The following ESR1 variants were observed in gnomAD, a reference collection of about 807,000 sequenced individuals.
ESR1 encodes the protein estrogen receptor.
In ESR1, 12 loss-of-function variants were observed where a neutral mutation model predicts 52.7. The ratio of observed to expected loss-of-function variants is 0.23; its 90% confidence interval spans 0.15 to 0.37. ESR1 has a LOEUF of 0.37. Among genes scored for constraint, ESR1 ranks in the 10% least tolerant of loss-of-function variants. The pLI is 1.00. For synonymous variants in ESR1, 305 were observed against 316.8 expected (o/e 0.96, Z 0.39); for missense variants, 584 against 779.7 (o/e 0.75, Z 2.99).
intron 2 of ESR1, among the ~76,000 whole-genome samples, chr6:151,725,552 C>T (rs939148360): frequency 1.3e-5 from 2 of 152,128 alleles, no homozygotes; most frequent in Non-Finnish European, 2.9e-5. Context: ...TGTTTGTCAT[C>T]CTGTTCTAAT....
chr6:151,754,938 G>A (rs1784167138), intron 2 of ESR1, among the ~76,000 whole-genome samples: 1 of 152,164 alleles, frequency 6.6e-6, no homozygotes, highest in Non-Finnish European at 1.5e-5. Context: ...TGGGCTGGGG[G>A]TGGTGGCTCA....
At chr6:151,659,307 C>T (rs1777559078) in intron 1 of ESR1, among the ~76,000 whole-genome samples, 1 of 152,174 alleles carries the variant, frequency 6.6e-6, no homozygotes, top group Non-Finnish European at 1.5e-5. Context: ...GCCACTGTGC[C>T]CGGCCTGCTA....
intron 6 of ESR1, among the ~76,000 whole-genome samples, chr6:152,091,238 C>A (rs1311496943): frequency 6.6e-6 from 1 of 152,220 alleles, no homozygotes; most frequent in East Asian, 1.9e-4. Context: ...CAACAGGCAG[C>A]ACACATGGAC....
intron 2 of ESR1, among the ~76,000 whole-genome samples, chr6:151,702,629 T>C (rs1030298936): frequency 6.6e-6 from 1 of 152,162 alleles, no homozygotes; most frequent in Non-Finnish European, 1.5e-5. Flanking sequence ...ATTTAATTAT[T>C]CAAAACAACA....
At chr6:151,765,643 T>C (rs1784993665) in intron 2 of ESR1, among the ~76,000 whole-genome samples, 1 of 152,224 alleles carries the variant, frequency 6.6e-6, no homozygotes, top group African/African-American at 2.4e-5. Flanking sequence ...CAGCACTTTC[T>C]TCCTAAAACT....
intron 4 of ESR1, among the ~76,000 whole-genome samples, chr6:151,981,757 A>T (rs973717204): frequency 6.6e-6 from 1 of 152,246 alleles, no homozygotes; most frequent in African/African-American, 2.4e-5. Context: ...AGAAATTCAA[A>T]TGTATGCAAT....
intron 1 of ESR1, among the ~76,000 whole-genome samples, chr6:151,670,238 A>C (rs1778003432): frequency 6.6e-6 from 1 of 152,150 alleles, no homozygotes; most frequent in Non-Finnish European, 1.5e-5. Flanking sequence ...ACTTGGCTGA[A>C]TCTGTTGTCT....
At chr6:152,003,476 A>AT (rs780042983) in intron 4 of ESR1, among the ~76,000 whole-genome samples, 1 of 151,952 alleles carries the variant, frequency 6.6e-6, no homozygotes, top group Non-Finnish European at 1.5e-5. Context: ...TGAGATCCAG[A>AT]AACAAGTAGG....
At chr6:152,073,380 T>G (rs994058771) in intron 6 of ESR1, among the ~76,000 whole-genome samples, 74 of 152,298 alleles carry the variant, frequency 4.9e-4, no homozygotes, top group Non-Finnish European at 7.8e-4. Flanking sequence ...AAGTAATGCA[T>G]GACCAAGGCA....
chr6:152,030,278 C>A (rs1157196809), intron 5 of ESR1, among the ~76,000 whole-genome samples: 2 of 152,154 alleles, frequency 1.3e-5, no homozygotes, highest in Admixed American at 6.5e-5. Context: ...ATCAAATTCA[C>A]ACATAACAAT....
At chr6:152,050,652 T>A (rs1279594749) in intron 5 of ESR1, among the ~76,000 whole-genome samples, 2 of 152,216 alleles carry the variant, frequency 1.3e-5, no homozygotes, top group African/African-American at 4.8e-5. Context: ...TAGCTTTGCA[T>A]GTTAACAAGT....
rs1261906186 is a variant in ESR1, at chr6:151,767,312, A to G, written c.-70-40531A>G. 2.0e-5 allele frequency among the ~76,000 whole-genome samples: 3 copies of G among 152,208 alleles called. No individual in the cohort carries two copies. In the East Asian group the frequency reaches 5.8e-4, roughly 29 times the overall value. Reference sequence around the variant, plus strand: ...CATATATCTCAGCTTAAGAGAGTAAAAGTTTATTTTTCTCTCATGCAAATT... The same window carrying G: ...CATATATCTCAGCTTAAGAGAGTAAGAGTTTATTTTTCTCTCATGCAAATT... On this transcript the variant is annotated intron_variant, in intron 2 of 2. Coordinates refer to the ESR1 transcript ENST00000404742.
chr6:151,758,683 C>A (rs1362296568), intron 2 of ESR1, among the ~76,000 whole-genome samples: 2 of 151,110 alleles, frequency 1.3e-5, no homozygotes, highest in Non-Finnish European at 3.0e-5. Flanking sequence ...ATTGCTTGAA[C>A]CAGGCAGAGG....
chr6:151,733,242 G>A (rs1782391204), intron 2 of ESR1, among the ~76,000 whole-genome samples: 2 of 152,168 alleles, frequency 1.3e-5, no homozygotes, highest in Non-Finnish European at 2.9e-5. Context: ...ACGTAGTCGA[G>A]CTAGTATTTG....
intron 2 of ESR1, among the ~76,000 whole-genome samples, chr6:151,782,335 T>G (rs911504202): frequency 2.6e-5 from 4 of 152,250 alleles, no homozygotes; most frequent in Non-Finnish European, 5.9e-5. Flanking sequence ...AATCTCATTT[T>G]CTTACTTTAC....
intron 2 of ESR1, among the ~76,000 whole-genome samples, chr6:151,709,358 C>A (rs1215782173): frequency 6.6e-6 from 1 of 151,882 alleles, no homozygotes; most frequent in African/African-American, 2.4e-5. Context: ...GAACATATAC[C>A]ATATTTTCTT....
chr6:152,073,079 A>G (rs1446422362), intron 6 of ESR1, among the ~76,000 whole-genome samples: 1 of 152,252 alleles, frequency 6.6e-6, no homozygotes, highest in African/African-American at 2.4e-5. Flanking sequence ...ATTTCCAACT[A>G]AGAAAATTAT....
At chr6:151,903,292 C>T (rs148303653) in intron 3 of ESR1, among the ~76,000 whole-genome samples, 230 of 152,272 alleles carry the variant, frequency 1.5e-3, no homozygotes, top group Non-Finnish European at 2.8e-3. Context: ...GTTAGGTGAG[C>T]TGCTGTCTCA....
At chr6:151,786,088 G>A (rs1355473932) in intron 2 of ESR1, among the ~76,000 whole-genome samples, 15 of 152,106 alleles carry the variant, frequency 9.9e-5, no homozygotes, top group Admixed American at 3.9e-4. Context: ...GGCCCTGCCC[G>A]CCCCAACATC....
Sources: allele counts gnomAD v4.1 joint callset (sites outside exome capture counted in the v4.1 genomes callset), GRCh38; gene constraint gnomAD v4.1.1; transcripts MANE v1.5; gene names NCBI Gene and HGNC (gene_info 2026-07-23, HGNC 2026-07-21).